Variants in KIAA0319L observed in about 807,000 individuals in gnomAD.
KIAA0319L encodes the protein KIAA0319 like, also known as dyslexia-associated protein KIAA0319-like protein.
Under a neutral mutation model 120.1 loss-of-function variants are expected in KIAA0319L, and 55 were observed. The ratio of observed to expected loss-of-function variants is 0.46; its 90% CI spans 0.37 to 0.57. The LOEUF (loss-of-function observed/expected upper bound fraction) is 0.57. KIAA0319L is among the 20% of genes least tolerant of loss of function. The pLI, the probability that KIAA0319L is intolerant of heterozygous loss-of-function variation, is 0.00. For missense variants in KIAA0319L, 1,049 were observed against 1,255.3 expected, an observed-to-expected ratio of 0.84 and a Z score of 2.48; for synonymous variants, 398 against 471.9, an observed-to-expected ratio of 0.84 and a Z score of 2.03.
intron 3 of KIAA0319L, among the ~76,000 whole-genome samples, chr1:35,487,221 T>C (rs1242535759): frequency 6.6e-6 from 1 of 152,184 alleles, no homozygotes; most frequent in African/African-American, 2.4e-5. Flanking sequence ...CTCCTTACAG[T>C]GTTCAACAAC....
intron 20 of KIAA0319L, chr1:35,440,748 T>C: frequency 2.4e-6 from 1 of 414,502 alleles, no homozygotes; most frequent in South Asian, 3.2e-5. Flanking sequence ...CCTGACTACC[T>C]GGGGCAGTTG....
At chr1:35,487,625 T>C (rs1644439020) in intron 3 of KIAA0319L, among the ~76,000 whole-genome samples, 1 of 152,202 alleles carries the variant, frequency 6.6e-6, no homozygotes, top group African/African-American at 2.4e-5. Flanking sequence ...TGGGGCCTGT[T>C]CTCATTGTAC....
intron 9 of KIAA0319L, among the ~76,000 whole-genome samples, chr1:35,459,909 T>C (rs1318014751): frequency 1.3e-5 from 2 of 152,104 alleles, no homozygotes; most frequent in African/African-American, 4.8e-5. Flanking sequence ...ATAAAGATTA[T>C]GAGGTACGTA....
At chr1:35,473,888 AAAGT>A (rs1253286199) in intron 5 of KIAA0319L, among the ~76,000 whole-genome samples, 4 of 152,232 alleles carry the variant, frequency 2.6e-5, no homozygotes, top group African/African-American at 9.6e-5. Flanking sequence ...AATTTCCATC[AAAGT>A]ATGTACCACT....
intron 3 of KIAA0319L, among the ~76,000 whole-genome samples, chr1:35,492,124 A>C (rs1644617266): frequency 6.6e-6 from 1 of 152,252 alleles, no homozygotes. Context: ...GAAGAAAAGG[A>C]AAAACTCCTC....
At chr1:35,520,399 C>CT (rs1041373040) in intron 2 of KIAA0319L, among the ~76,000 whole-genome samples, 1 of 151,578 alleles carries the variant, frequency 6.6e-6, no homozygotes, top group Admixed American at 6.6e-5. Context: ...CACCCGGCCT[C>CT]TTTTTTTTCT....
At position 35,454,399 on chromosome 1, in the gene KIAA0319L, C is replaced by G. The variant is rs1642288514; in HGVS notation, c.1743G>C (p.Gln581His). The change falls in exon 11 of 21, where the codon CAG (glutamine) becomes CAC (histidine). Residue 581 changes from glutamine to histidine, a missense_variant. Transcript: ENST00000325722. ...TAACAGTCACTTGAGCAGTGGCCTGCTGTCCTATTGTGTCAGTCACTGTGA... is the reference window on the plus strand; with the variant it reads ...TAACAGTCACTTGAGCAGTGGCCTGGTGTCCTATTGTGTCAGTCACTGTGA... ...YQLTVTDTIG[Q>H]QATAQVTVIV... The G allele has an allele frequency of 1.2e-6, 2 of 1,614,116 alleles. No individual in the cohort carries two copies. Among genetic ancestry groups the G allele is most frequent in the Non-Finnish European group, 1.7e-6 (2 of 1,179,946 alleles).
chr1:35,466,478 A>G, intron 7 of KIAA0319L, 130 bp downstream of exon 7: 1 of 642,286 alleles, frequency 1.6e-6, no homozygotes, highest in African/African-American at 1.8e-5. Flanking sequence ...TATTCACCAC[A>G]TTGAACTAGG....
chr1:35,529,939 C>T (rs1177790211), intron 2 of KIAA0319L, among the ~76,000 whole-genome samples: 1 of 149,066 alleles, frequency 6.7e-6, no homozygotes, highest in Non-Finnish European at 1.5e-5. Flanking sequence ...ATACCCAAGA[C>T]TCAGATTTTT....
chr1:35,498,732 G>A (rs778521799), intron 3 of KIAA0319L, among the ~76,000 whole-genome samples: 4 of 152,106 alleles, frequency 2.6e-5, no homozygotes, highest in Non-Finnish European at 5.9e-5. Context: ...ACACTTACCT[G>A]GTTACATAAT....
chr1:35,439,821 A>G (rs2149071234), intron 20 of KIAA0319L: 1 of 152,298 alleles, frequency 6.6e-6, no homozygotes, highest in South Asian at 2.1e-4. Context: ...GAAAGAGATT[A>G]CTGGATGAAC....
Position 35,441,061 on chromosome 1 carries a change from G to C in KIAA0319L, c.2948C>G (p.Pro983Arg). The C allele has an allele frequency of 6.2e-7, 1 of 1,614,126 alleles. No homozygotes were observed. The highest frequency in any genetic ancestry group is 8.5e-7 in the Non-Finnish European group (1 of 1,179,958). ...AGGGCCCCTACCTGCTCGGGAGGTTGGCTTCAGCTCCAGGCTTTCCTGATC... is the reference window on the plus strand; with the variant it reads ...AGGGCCCCTACCTGCTCGGGAGGTTCGCTTCAGCTCCAGGCTTTCCTGATC... ...ATDQESLELKPTSRAGIKQKG... is the reference protein window; with the variant it reads ...ATDQESLELKRTSRAGIKQKG... Residue 983 changes from proline (P) to arginine (R), a missense_variant, in exon 20 of 21, where the codon CCA becomes CGA. Transcript: ENST00000325722.
At chr1:35,512,935 GC>G (rs1645517372) in intron 2 of KIAA0319L, among the ~76,000 whole-genome samples, 1 of 150,836 alleles carries the variant, frequency 6.6e-6, no homozygotes, top group Admixed American at 6.6e-5. Flanking sequence ...TAAACCAGGG[GC>G]TATACACTAT....
At chr1:35,553,620 T>C (rs917726845) in intron 2 of KIAA0319L, among the ~76,000 whole-genome samples, 3 of 152,252 alleles carry the variant, frequency 2.0e-5, no homozygotes, top group African/African-American at 7.2e-5. Flanking sequence ...TTTTGGTCAC[T>C]GGCCAGAATG....
intron 3 of KIAA0319L, among the ~76,000 whole-genome samples, chr1:35,486,178 T>C (rs963470106): frequency 2.0e-5 from 3 of 150,686 alleles, no homozygotes; most frequent in African/African-American, 7.3e-5. Context: ...AGCCCACGAG[T>C]TTTTCAAGAA....
At chr1:35,450,632 C>T (rs993315684) in intron 13 of KIAA0319L, 123 bp from the exon 14 acceptor site, 27 of 874,606 alleles carry the variant, frequency 3.1e-5, no homozygotes, top group Non-Finnish European at 4.4e-5. Context: ...TTTTAAGTGC[C>T]TGTCCCTGCC....
chr1:35,508,111 G>A (rs1201563960), intron 2 of KIAA0319L, among the ~76,000 whole-genome samples: 2 of 152,148 alleles, frequency 1.3e-5, no homozygotes, highest in African/African-American at 4.8e-5. Flanking sequence ...ACAGAACTAG[G>A]GTGAGGCAAG....
chr1:35,519,201 G>C (rs1645810772), intron 2 of KIAA0319L, among the ~76,000 whole-genome samples: 1 of 152,000 alleles, frequency 6.6e-6, no homozygotes, highest in Non-Finnish European at 1.5e-5. Flanking sequence ...ATTTTGAGAG[G>C]AAAATAAATC....
intron 2 of KIAA0319L, among the ~76,000 whole-genome samples, chr1:35,518,052 A>G (rs1645754029): frequency 6.6e-6 from 1 of 152,260 alleles, no homozygotes; most frequent in Non-Finnish European, 1.5e-5. Flanking sequence ...GGCTATTATC[A>G]AAAAGCCAAA....
Sources: allele counts gnomAD v4.1 joint callset (sites outside exome capture counted in the v4.1 genomes callset), GRCh38; gene constraint gnomAD v4.1.1; transcripts MANE v1.5; gene names NCBI Gene and HGNC (gene_info 2026-07-23, HGNC 2026-07-21).